ANK3: variants seen among roughly 807,000 people sequenced by gnomAD.
ANK3 encodes the protein ankyrin-3.
ANK3 carries 57 observed loss-of-function variants against 370.9 expected under a neutral mutation model. The ratio of observed to expected loss-of-function variants is 0.15; its 90% confidence interval spans 0.12 to 0.19. The LOEUF (loss-of-function observed/expected upper bound fraction) is 0.19, where lower values mean the gene tolerates loss of function less well. Ranked by LOEUF, ANK3 falls within the 10% of genes least tolerant of loss-of-function variation. The probability of loss-of-function intolerance (pLI) is 1.00; values close to 1 mark genes in which losing one functional copy is unlikely to be tolerated. For synonymous variants in ANK3, 1,929 were observed against 1,946.3 expected, an observed-to-expected ratio of 0.99 and a Z score of 0.23; for missense variants, 4,439 against 5,302.1, an observed-to-expected ratio of 0.84 and a Z score of 5.06.
At chr10:60,433,363 T>A (rs572723632) in intron 2 of ANK3, among the ~76,000 whole-genome samples, 5 of 152,206 alleles carry the variant, frequency 3.3e-5, no homozygotes, top group African/African-American at 1.2e-4. Flanking sequence ...CTGAGAAACA[T>A]TTTATTCATG....
chr10:60,351,405 C>G (rs936180625), intron 1 of ANK3, among the ~76,000 whole-genome samples: 1 of 152,182 alleles, frequency 6.6e-6, no homozygotes, highest in Non-Finnish European at 1.5e-5. Context: ...GGCAGTCACC[C>G]AGAACGTACA....
At position 60,306,693 on chromosome 10, in the gene ANK3, A is replaced by G. The variant is rs1008625835; in HGVS notation, c.115-27054T>C. ...TGTATTAATTTACATTCCCACCAGC[A>G]GTGTAAAAGTGTTGAACCTCATCAT... On this transcript the variant is annotated intron_variant, in intron 1 of 43. Transcript: ENST00000280772. Among the ~76,000 whole-genome samples the G allele has an allele frequency of 5.3e-5, 8 of 152,278 alleles. No individual in the cohort carries two copies. In the East Asian group the frequency reaches 1.5e-3, roughly 29 times the overall value.
At chr10:60,053,749 A>C in intron 42 of ANK3, 1 of 1,303,630 alleles carries the variant, frequency 7.7e-7, no homozygotes, top group Non-Finnish European at 1.0e-6. Context: ...GGGGATAAAA[A>C]GGGGGCTGTT....
At chr10:60,449,612 A>C (rs1473664581) in intron 2 of ANK3, among the ~76,000 whole-genome samples, 1 of 152,230 alleles carries the variant, frequency 6.6e-6, no homozygotes, top group Non-Finnish European at 1.5e-5. Flanking sequence ...GACTTTGGAC[A>C]AGATACTCAC....
chr10:60,444,110 G>T (rs2064372668), intron 2 of ANK3, among the ~76,000 whole-genome samples: 1 of 151,718 alleles, frequency 6.6e-6, no homozygotes, highest in Non-Finnish European at 1.5e-5. Flanking sequence ...GCACTTCTCA[G>T]TAATGGGATT....
In ANK3 at chr10:60,069,757, G is replaced by A. The variant is rs200029403; in HGVS notation, c.11124C>T (p.Ala3708=). 6.2e-6 allele frequency: 10 copies of A among 1,613,928 alleles called. No homozygotes were observed. In the Admixed American group the frequency reaches 6.7e-5, roughly 11 times the overall value. Residue 3708 remains alanine (A), a synonymous_variant, in exon 37 of 44, where the codon GCC becomes GCT. Coordinates refer to ENST00000280772, the MANE Select transcript of ANK3 (RefSeq NM_020987.5). ...SSGSLEKSAA[A]TNTSKVDPKL... is the part of the protein sequence containing the mutation. Reference sequence around the variant, plus strand: ...TGGGGTCAACTTTAGAGGTGTTAGTGGCTGCTGCTGATTTCTCCAGGGAGC... The same window carrying A: ...TGGGGTCAACTTTAGAGGTGTTAGTAGCTGCTGCTGATTTCTCCAGGGAGC...
intron 2 of ANK3, among the ~76,000 whole-genome samples, chr10:60,588,160 TTTATTATTATTATTATTA>T (rs147944306): frequency 2.8e-5 from 4 of 141,116 alleles, no homozygotes; most frequent in African/African-American, 7.8e-5. Flanking sequence ...TTTCTCAGTT[TTTATTATTATTATTATTA>T]TTATTATTAT....
chr10:60,048,181 G>A (rs1221263726), intron 42 of ANK3, among the ~76,000 whole-genome samples: 6 of 152,138 alleles, frequency 3.9e-5, no homozygotes, highest in South Asian at 2.1e-4. Flanking sequence ...AGCTCTGGGA[G>A]GGATGGAACC....
intron 8 of ANK3, among the ~76,000 whole-genome samples, chr10:60,229,858 G>T (rs1329674393): frequency 1.3e-5 from 2 of 152,172 alleles, no homozygotes; most frequent in Non-Finnish European, 2.9e-5. Flanking sequence ...AAGTGTGGCA[G>T]ACACTAAGAT....
intron 2 of ANK3, among the ~76,000 whole-genome samples, chr10:60,591,919 C>G (rs775633156): frequency 2.6e-5 from 4 of 152,102 alleles, no homozygotes; most frequent in Non-Finnish European, 5.9e-5. Flanking sequence ...ATGATTACCA[C>G]AGACTTGGAA....
intron 2 of ANK3, among the ~76,000 whole-genome samples, chr10:60,609,594 A>G (rs954384013): frequency 6.6e-6 from 1 of 152,010 alleles, no homozygotes; most frequent in African/African-American, 2.4e-5. Context: ...TATGAGAGTT[A>G]CAAAACAGTG....
intron 8 of ANK3, among the ~76,000 whole-genome samples, chr10:60,233,784 C>T (rs984821247): frequency 6.6e-6 from 1 of 152,048 alleles, no homozygotes; most frequent in African/African-American, 2.4e-5. Context: ...TAAAATTTAC[C>T]CTCACAATCC....
intron 16 of ANK3, among the ~76,000 whole-genome samples, chr10:60,195,192 C>G (rs2096565575): frequency 6.6e-6 from 1 of 151,970 alleles, no homozygotes; most frequent in Non-Finnish European, 1.5e-5. Flanking sequence ...TCGAGACCAT[C>G]CTGGCTACGG....
chr10:60,288,160 A>T (rs565446598), intron 1 of ANK3, among the ~76,000 whole-genome samples: 1 of 152,224 alleles, frequency 6.6e-6, no homozygotes, highest in African/African-American at 2.4e-5. Context: ...ATGCCCGGCT[A>T]GTAATGCTCA....
chr10:60,043,574 A>C, intron 42 of ANK3: 5 of 985,444 alleles, frequency 5.1e-6, no homozygotes, highest in Non-Finnish European at 6.0e-6. Context: ...CCCCCTCCTC[A>C]GACGAAGATG....
At chr10:60,575,149 T>G (rs1443808038) in intron 2 of ANK3, among the ~76,000 whole-genome samples, 2 of 152,236 alleles carry the variant, frequency 1.3e-5, no homozygotes, top group Non-Finnish European at 2.9e-5. Flanking sequence ...TTTTAAACTA[T>G]AAACGGGTGT....
chr10:60,646,813 T>A (rs2078715879), intron 1 of ANK3, among the ~76,000 whole-genome samples: 1 of 152,106 alleles, frequency 6.6e-6, no homozygotes. Context: ...GACCCCAGTG[T>A]AGAAGTTGCT....
chr10:60,510,775 G>A (rs1214240494), intron 2 of ANK3, among the ~76,000 whole-genome samples: 7 of 151,872 alleles, frequency 4.6e-5, no homozygotes, highest in Admixed American at 1.3e-4. Context: ...AACTGATATC[G>A]CATCATTACA....
rs756437304 is a variant in ANK3 at position 60,076,333 on chromosome 10, T to C, written c.4548A>G (p.Pro1516=). 6.2e-7 allele frequency: 1 copy of C among 1,614,088 alleles called. No homozygotes were observed. The highest frequency in any genetic ancestry group is 1.1e-5 in the South Asian group (1 of 91,082). The part of the protein sequence containing the change: ...WTTAPITVPG[P]AKSGFTSLSS... ...ATAAGGAAGTGAAGCCTGACTTGGCTGGCCCAGGCACTGTAATCGGAGCTG... is the reference window on the plus strand; with the variant it reads ...ATAAGGAAGTGAAGCCTGACTTGGCCGGCCCAGGCACTGTAATCGGAGCTG... The change falls in exon 37 of 44, where the codon CCA becomes CCG. Residue 1516 remains proline (P), a synonymous_variant. Transcript: ENST00000280772.
Sources: gnomAD v4.1 joint callset for allele counts (sites outside exome capture counted in the v4.1 genomes callset) on GRCh38, gnomAD v4.1.1 for gene constraint, MANE v1.5 for transcripts, NCBI Gene and HGNC (gene_info 2026-07-23, HGNC 2026-07-21) for gene names.